Variants in NCAM1 observed in about 807,000 individuals in gnomAD.
NCAM1 encodes neural cell adhesion molecule 1.
A neutral mutation model predicts 109.8 loss-of-function variants in NCAM1; 14 were observed. The ratio of observed to expected loss-of-function variants is 0.13; its 90% CI spans 0.08 to 0.20. The LOEUF (loss-of-function observed/expected upper bound fraction) is 0.20. Among genes scored for constraint, NCAM1 ranks in the 10% least tolerant of loss-of-function variants. NCAM1 has a pLI of 1.00. For missense variants in NCAM1, 774 were observed against 1,109.9 expected, an observed-to-expected ratio of 0.70 and a Z score of 4.30; for synonymous variants, 418 against 442.9, an observed-to-expected ratio of 0.94 and a Z score of 0.70.
chr11:113,211,214 G>T (rs1944383232), intron 7 of NCAM1, among the ~76,000 whole-genome samples: 1 of 152,118 alleles, frequency 6.6e-6, no homozygotes, highest in East Asian at 1.9e-4. Context: ...TGCCATTGTG[G>T]CCCATCACTG....
At chr11:113,180,500 T>C (rs1943297526) in intron 1 of NCAM1, among the ~76,000 whole-genome samples, 1 of 152,258 alleles carries the variant, frequency 6.6e-6, no homozygotes, top group Non-Finnish European at 1.5e-5. Flanking sequence ...AGGCATTCTC[T>C]GGAATGATCC....
intron 1 of NCAM1, among the ~76,000 whole-genome samples, chr11:113,071,418 T>G (rs1938253976): frequency 6.9e-6 from 1 of 145,308 alleles, no homozygotes; most frequent in Non-Finnish European, 1.5e-5. Context: ...CATTGTTGGT[T>G]GGATTTTTTT....
At chr11:113,184,836 C>G (rs1339351775) in intron 1 of NCAM1, among the ~76,000 whole-genome samples, 1 of 152,022 alleles carries the variant, frequency 6.6e-6, no homozygotes, top group Non-Finnish European at 1.5e-5. Flanking sequence ...GGATGTCAAA[C>G]TGTGTGCTAA....
intron 19 of NCAM1, 44 bp downstream of exon 19, chr11:113,271,920 C>T (rs1023509624): frequency 1.5e-5 from 21 of 1,432,250 alleles, no homozygotes; most frequent in Admixed American, 4.1e-5. Context: ...GTAGAGACCC[C>T]CACACCCACC....
chr11:113,082,524 T>A (rs1312171986), intron 1 of NCAM1, among the ~76,000 whole-genome samples: 1 of 152,258 alleles, frequency 6.6e-6, no homozygotes, highest in African/African-American at 2.4e-5. Context: ...TGATATTGAC[T>A]GTTACTTTTC....
At chr11:113,056,992 G>C (rs1010848894) in intron 1 of NCAM1, among the ~76,000 whole-genome samples, 1 of 152,156 alleles carries the variant, frequency 6.6e-6, no homozygotes, top group Admixed American at 6.5e-5. Context: ...GCCAGGCTTG[G>C]TGTTAGGTGC....
At chr11:112,984,431 A>G (rs1951239164) in intron 1 of NCAM1, among the ~76,000 whole-genome samples, 1 of 151,840 alleles carries the variant, frequency 6.6e-6, no homozygotes, top group Non-Finnish European at 1.5e-5. Context: ...TTTCTGGGTC[A>G]TATAGTAGTT....
chr11:113,173,341 G>A lies in NCAM1; in HGVS notation c.53-29038G>A, dbSNP rs187213562. Among the ~76,000 whole-genome samples, 1,067 of 151,960 alleles carry A rather than the reference G, an allele frequency of 7.0e-3. 10 individuals are homozygous for A. Among genetic ancestry groups the A allele is most frequent in the Non-Finnish European group, 0.01 (710 of 67,974 alleles). ...ATTTATAGATATGTTAAGAATCTCC[G>A]TAAACCTGGGGTCTAATTTGAATTA... On this transcript the variant is annotated intron_variant, in intron 1 of 19. Coordinates refer to ENST00000316851, the MANE Select transcript of NCAM1 (RefSeq NM_181351.5).
At chr11:113,223,544 C>T (rs976055438) in intron 9 of NCAM1, among the ~76,000 whole-genome samples, 1 of 152,172 alleles carries the variant, frequency 6.6e-6, no homozygotes, top group Non-Finnish European at 1.5e-5. Flanking sequence ...CTTGGAATAT[C>T]CCCTGCTTTG....
At chr11:113,108,635 G>A (rs1940278252) in intron 1 of NCAM1, among the ~76,000 whole-genome samples, 1 of 152,024 alleles carries the variant, frequency 6.6e-6, no homozygotes, top group African/African-American at 2.4e-5. Flanking sequence ...TTCTTCATAT[G>A]CTCATAAATC....
At chr11:113,172,781 G>A (rs1555106465) in intron 1 of NCAM1, among the ~76,000 whole-genome samples, 1 of 151,816 alleles carries the variant, frequency 6.6e-6, no homozygotes. Flanking sequence ...TTCCTTCTTA[G>A]CTGGAAATGT....
At chr11:113,089,390 A>G (rs1460977921) in intron 1 of NCAM1, among the ~76,000 whole-genome samples, 2 of 150,916 alleles carry the variant, frequency 1.3e-5, no homozygotes, top group African/African-American at 4.9e-5. Context: ...TTTTTTTTTA[A>G]TCAGAGCATA....
At chr11:113,019,216 G>A (rs887488441) in intron 1 of NCAM1, among the ~76,000 whole-genome samples, 1 of 152,078 alleles carries the variant, frequency 6.6e-6, no homozygotes, top group African/African-American at 2.4e-5. Context: ...ATCCAGTTGT[G>A]TTGTTAATCA....
At chr11:113,220,602 C>CTTT (rs1175342641) in intron 8 of NCAM1, among the ~76,000 whole-genome samples, 794 of 75,516 alleles carry the variant, frequency 0.011, 123 homozygotes, top group African/African-American at 0.038. Flanking sequence ...CTCTCTCTCT[C>CTTT]TTTTTTTTTT....
rs140850077 is a variant in NCAM1 at position 113,099,059 on chromosome 11, A to G, written c.53-103320A>G. ...ATATTACAAATATTAACTCATTTAA[A>G]CCTCAAAACAACCCTAGAAGGTAGG... On this transcript the variant is annotated intron_variant, in intron 1 of 19. Coordinates refer to ENST00000316851, the MANE Select transcript of NCAM1 (RefSeq NM_181351.5). Among the ~76,000 whole-genome samples, 461 of 152,310 alleles carry G rather than the reference A, an allele frequency of 3.0e-3. 2 individuals are homozygous for G. Among genetic ancestry groups the G allele is most frequent in the African/African-American group, 0.011 (443 of 41,556 alleles).
chr11:113,064,682 T>C (rs1434473870), intron 1 of NCAM1, among the ~76,000 whole-genome samples: 2 of 152,214 alleles, frequency 1.3e-5, no homozygotes, highest in African/African-American at 4.8e-5. Context: ...AGATATATTT[T>C]AACCCACTCT....
chr11:113,271,803 G>A lies in NCAM1; in HGVS notation c.2383G>A (p.Glu795Lys). Reference sequence around the variant, plus strand: ...GCCCATCGTGGAGGTTCGAACGGAGGAGGAGAGGACCCCAAACCATGATGG... The same window carrying A: ...GCCCATCGTGGAGGTTCGAACGGAGAAGGAGAGGACCCCAAACCATGATGG... ...KEPIVEVRTE[E>K]ERTPNHDGGK... The change falls in exon 19 of 20, where the codon GAG becomes AAG. Residue 795 changes from glutamate to lysine, a missense_variant. By Grantham distance (56) the Glu-to-Lys change is moderately conservative. Transcript: ENST00000316851. The A allele has an allele frequency of 6.4e-7, 1 of 1,569,614 alleles. No homozygotes were observed. Among genetic ancestry groups the A allele is most frequent in the Non-Finnish European group, 8.6e-7 (1 of 1,157,582 alleles).
At chr11:113,183,302 C>G (rs1943390160) in intron 1 of NCAM1, among the ~76,000 whole-genome samples, 1 of 152,198 alleles carries the variant, frequency 6.6e-6, no homozygotes, top group East Asian at 1.9e-4. Context: ...GATGCCCTGC[C>G]ACGTGTGCAC....
rs576971652 is a variant in NCAM1 at position 112,977,186 on chromosome 11, T to C, written c.52+15522T>C. ...TTCTTAAATGTGCATATGTGTTTAG[T>C]CTGTTCTACAAAGATATTATTTTCT... On this transcript the variant is annotated intron_variant, in intron 1 of 19. Transcript: ENST00000316851. 1.9e-3 allele frequency among the ~76,000 whole-genome samples: 285 copies of C among 151,954 alleles called. 1 individual carries two copies. The highest frequency in any genetic ancestry group is 2.7e-3 in the Non-Finnish European group (182 of 67,802).
Sources: allele counts gnomAD v4.1 joint callset (sites outside exome capture counted in the v4.1 genomes callset), GRCh38; gene constraint gnomAD v4.1.1; transcripts MANE v1.5; gene names NCBI Gene and HGNC (gene_info 2026-07-23, HGNC 2026-07-21).